The following ADARB2 variants were observed in gnomAD, a reference collection of about 807,000 sequenced individuals.
ADARB2 encodes adenosine deaminase RNA specific B2 (inactive).
Under a neutral mutation model 62.2 loss-of-function variants are expected in ADARB2, and 25 were observed. The observed-to-expected ratio is 0.40, with a 90% CI of 0.29 to 0.56. The LOEUF is 0.56. Ranked by LOEUF, ADARB2 falls within the 20% of genes least tolerant of loss-of-function variation. The probability of loss-of-function intolerance (pLI) is 0.43; values close to 1 mark genes in which losing one functional copy is unlikely to be tolerated. For missense variants in ADARB2, 1,071 were observed against 1,077.4 expected, an observed-to-expected ratio of 0.99 and a Z score of 0.08; for synonymous variants, 572 against 500.8, an observed-to-expected ratio of 1.14 and a Z score of -1.90.
At chr10:1,373,326 A>G (rs965405710) in intron 2 of ADARB2, among the ~76,000 whole-genome samples, 1 of 150,820 alleles carries the variant, frequency 6.6e-6, no homozygotes, top group South Asian at 2.1e-4. Context: ...ACACACACAC[A>G]CCCACCCACA....
At chr10:1,517,260 A>AT (rs1160332864) in intron 1 of ADARB2, among the ~76,000 whole-genome samples, 5 of 152,168 alleles carry the variant, frequency 3.3e-5, no homozygotes, top group Admixed American at 6.5e-5. Flanking sequence ...ATTCAAATTC[A>AT]TTTTTTTCTC....
At chr10:1,734,248 C>A (rs1325185018) in intron 1 of ADARB2, among the ~76,000 whole-genome samples, 2 of 148,522 alleles carry the variant, frequency 1.3e-5, no homozygotes, top group Non-Finnish European at 3.0e-5. Flanking sequence ...GAGAGAAATA[C>A]AGGTTCCTGC....
intron 2 of ADARB2, among the ~76,000 whole-genome samples, chr10:1,373,264 T>C (rs1832388790): frequency 6.6e-6 from 1 of 151,870 alleles, no homozygotes; most frequent in Non-Finnish European, 1.5e-5. Context: ...TCTCTCTCGG[T>C]CTTTGTCTCA....
At chr10:1,244,553 A>C (rs1830959724) in intron 4 of ADARB2, among the ~76,000 whole-genome samples, 2 of 152,174 alleles carry the variant, frequency 1.3e-5, no homozygotes, top group Admixed American at 1.3e-4. Flanking sequence ...CAGCACAATT[A>C]CGTGGCCCAA....
intron 1 of ADARB2, among the ~76,000 whole-genome samples, chr10:1,479,482 G>A (rs948957435): frequency 1.3e-5 from 2 of 152,142 alleles, no homozygotes; most frequent in African/African-American, 2.4e-5. Context: ...TTGGAGTAGA[G>A]TAGGTAGGAT....
chr10:1,229,267 G>A (rs1159055258), intron 6 of ADARB2, among the ~76,000 whole-genome samples: 2 of 152,188 alleles, frequency 1.3e-5, no homozygotes, highest in African/African-American at 4.8e-5. Context: ...AAGTGGGGCT[G>A]GATGGCAACC....
At chr10:1,353,592 A>G (rs1043329547) in intron 3 of ADARB2, among the ~76,000 whole-genome samples, 1 of 151,560 alleles carries the variant, frequency 6.6e-6, no homozygotes, top group Admixed American at 6.6e-5. Context: ...CATTATATCA[A>G]CTCTACTCCG....
At chr10:1,720,895 G>C (rs1835083749) in intron 1 of ADARB2, among the ~76,000 whole-genome samples, 1 of 152,204 alleles carries the variant, frequency 6.6e-6, no homozygotes, top group African/African-American at 2.4e-5. Flanking sequence ...TCGCTGCAGT[G>C]CTTCTGTCTG....
intron 3 of ADARB2, among the ~76,000 whole-genome samples, chr10:1,327,814 T>C (rs79256600): frequency 3.3e-4 from 15 of 46,104 alleles, no homozygotes; most frequent in East Asian, 4.9e-4. Flanking sequence ...CAGTTCAGCA[T>C]CTCCTCACAG....
chr10:1,387,109 T>C (rs777296987), intron 1 of ADARB2, among the ~76,000 whole-genome samples: 3 of 151,898 alleles, frequency 2.0e-5, no homozygotes, highest in Non-Finnish European at 4.4e-5. Flanking sequence ...TGAAACATAG[T>C]TAAAGCAATG....
chr10:1,503,682 G>A (rs1182218424), intron 1 of ADARB2, among the ~76,000 whole-genome samples: 1 of 152,098 alleles, frequency 6.6e-6, no homozygotes, highest in Non-Finnish European at 1.5e-5. Flanking sequence ...GGAGGTGACT[G>A]GATCATGTAG....
intron 1 of ADARB2, among the ~76,000 whole-genome samples, chr10:1,620,348 T>C (rs1833691210): frequency 6.6e-6 from 1 of 152,204 alleles, no homozygotes; most frequent in South Asian, 2.1e-4. Context: ...GCACATGTTA[T>C]GGGCAACTTT....
intron 1 of ADARB2, among the ~76,000 whole-genome samples, chr10:1,447,058 C>G (rs977170546): frequency 6.6e-6 from 1 of 152,140 alleles, no homozygotes; most frequent in Non-Finnish European, 1.5e-5. Context: ...TTAATTAAAG[C>G]TGTGGATAAT....
chr10:1,294,530 G>C (rs974665620), intron 3 of ADARB2, among the ~76,000 whole-genome samples: 1 of 152,110 alleles, frequency 6.6e-6, no homozygotes, highest in Non-Finnish European at 1.5e-5. Flanking sequence ...GCAGCCCCTC[G>C]CGTTGTTTGA....
At chr10:1,442,100 T>C (rs141996734) in intron 1 of ADARB2, among the ~76,000 whole-genome samples, 120 of 152,336 alleles carry the variant, frequency 7.9e-4, no homozygotes, top group African/African-American at 2.8e-3. Context: ...ATGGGGTATA[T>C]TACGCTAATA....
Position 1,472,896 on chromosome 10 carries a change from G to C in ADARB2, c.101-93736C>G, listed in dbSNP as rs146019758. ...GTGGCTGTCAGGCAGCCGTCACACT[G>C]TCTCTCTACGGTAATAGTTGGTCAC... On this transcript the variant is annotated intron_variant, in intron 1 of 9. Coordinates refer to ENST00000381312, the MANE Select transcript of ADARB2 (RefSeq NM_018702.4). Among the ~76,000 whole-genome samples the C allele has an allele frequency of 3.3e-5, 5 of 152,228 alleles. 1 individual carries two copies. Among genetic ancestry groups the C allele is most frequent in the South Asian group, 4.2e-4 (2 of 4,818 alleles).
intron 7 of ADARB2, among the ~76,000 whole-genome samples, chr10:1,202,107 G>GT (rs1219418530): frequency 1.5e-4 from 12 of 82,362 alleles, no homozygotes; most frequent in Admixed American, 3.1e-4. Context: ...CTGTTTGTTT[G>GT]TTTTGTTTTT....
chr10:1,631,750 G>T (rs1833846718), intron 1 of ADARB2, among the ~76,000 whole-genome samples: 1 of 152,152 alleles, frequency 6.6e-6, no homozygotes, highest in African/African-American at 2.4e-5. Flanking sequence ...GGAAAATGTG[G>T]CTCGGTTCAC....
chr10:1,717,068 GTTATTCTGATCACA>G (rs1835027815), intron 1 of ADARB2, among the ~76,000 whole-genome samples: 2 of 63,116 alleles, frequency 3.2e-5, no homozygotes, highest in Admixed American at 3.6e-4. Flanking sequence ...CTGATCACAT[GTTATTCTGATCACA>G]TGTTATTCTG....
Sources: gnomAD v4.1 joint callset for allele counts (sites outside exome capture counted in the v4.1 genomes callset) on GRCh38, gnomAD v4.1.1 for gene constraint, MANE v1.5 for transcripts, NCBI Gene and HGNC (gene_info 2026-07-23, HGNC 2026-07-21) for gene names.